The following NRG3 variants were observed in gnomAD, a reference collection of about 807,000 sequenced individuals.
NRG3 encodes the protein neuregulin 3.
A neutral mutation model predicts 66.9 loss-of-function variants in NRG3; 31 were observed. That is an observed-to-expected ratio of 0.46 (90% confidence interval 0.35 to 0.63). The LOEUF is 0.63. Among genes scored for constraint, NRG3 ranks in the 20% least tolerant of loss-of-function variants. NRG3 has a pLI of 0.00. For missense variants in NRG3, 910 were observed against 878.9 expected (o/e 1.04, Z -0.45); for synonymous variants, 393 against 359.4 (o/e 1.09, Z -1.06).
intron 1 of NRG3, among the ~76,000 whole-genome samples, chr10:82,208,378 C>A (rs909875595): frequency 6.6e-6 from 1 of 152,086 alleles, no homozygotes; most frequent in African/African-American, 2.4e-5. Context: ...GAATGACCAG[C>A]AAGATTATAA....
intron 2 of NRG3, among the ~76,000 whole-genome samples, chr10:82,381,769 G>T (rs1589923330): frequency 6.6e-6 from 1 of 152,188 alleles, no homozygotes; most frequent in Non-Finnish European, 1.5e-5. Flanking sequence ...TGGAAAACAA[G>T]CATAAGCTGG....
rs1299618177 is a variant in NRG3, at chr10:82,309,208, C to T, written c.824-49531C>T. 2.6e-5 allele frequency among the ~76,000 whole-genome samples: 4 copies of T among 152,252 alleles called. No homozygotes were observed. In the East Asian group the frequency reaches 7.7e-4, roughly 29 times the overall value. On this transcript the variant is annotated intron_variant, in intron 1 of 8. Transcript: ENST00000372141. ...AAGGAGAGCACAGATGTATTTAAGC[C>T]ACGATCGCCCATTCTCCCTCCTAAT...
intron 2 of NRG3, among the ~76,000 whole-genome samples, chr10:82,576,283 T>G (rs1237587939): frequency 6.6e-6 from 1 of 151,686 alleles, no homozygotes; most frequent in Non-Finnish European, 1.5e-5. Flanking sequence ...ACACCTTATC[T>G]TTTTGCTTAC....
chr10:82,605,287 G>A (rs2047896643), intron 2 of NRG3, among the ~76,000 whole-genome samples: 1 of 151,950 alleles, frequency 6.6e-6, no homozygotes. Flanking sequence ...CATTCATGAT[G>A]TTGAATAGTG....
intron 2 of NRG3, among the ~76,000 whole-genome samples, chr10:82,721,952 A>G (rs2057345541): frequency 6.6e-6 from 1 of 152,010 alleles, no homozygotes; most frequent in African/African-American, 2.4e-5. Flanking sequence ...TACAAGAAAA[A>G]AAAAAAAAAA....
intron 3 of NRG3, among the ~76,000 whole-genome samples, chr10:82,780,480 C>CTTTT (rs150086019): frequency 1.0e-3 from 107 of 106,048 alleles, no homozygotes; most frequent in African/African-American, 3.3e-3. Context: ...TTTTTCTTTT[C>CTTTT]TTTTTTTTTT....
chr10:82,207,312 T>C (rs111508550), intron 1 of NRG3, among the ~76,000 whole-genome samples: 6 of 152,188 alleles, frequency 3.9e-5, no homozygotes, highest in African/African-American at 1.2e-4. Context: ...AAAGGGAAAA[T>C]ATATATTTAT....
chr10:82,044,477 C>T (rs1041722123), intron 1 of NRG3, among the ~76,000 whole-genome samples: 4 of 151,972 alleles, frequency 2.6e-5, no homozygotes, highest in African/African-American at 9.7e-5. Context: ...ACCATGCAGA[C>T]ATGGAGAGAA....
chr10:81,905,757 C>T (rs891658435), intron 1 of NRG3, among the ~76,000 whole-genome samples: 1 of 152,136 alleles, frequency 6.6e-6, no homozygotes, highest in African/African-American at 2.4e-5. Context: ...GAAAATCAGC[C>T]CTCACACTAT....
At chr10:82,405,166 G>A (rs2087412500) in intron 2 of NRG3, among the ~76,000 whole-genome samples, 1 of 152,140 alleles carries the variant, frequency 6.6e-6, no homozygotes, top group Non-Finnish European at 1.5e-5. Flanking sequence ...GTCGAACGAG[G>A]CCTCTCTTGG....
chr10:82,927,412 T>C (rs1182025887), intron 4 of NRG3, among the ~76,000 whole-genome samples: 1 of 152,156 alleles, frequency 6.6e-6, no homozygotes, highest in Non-Finnish European at 1.5e-5. Context: ...GCAGGTTTGT[T>C]ACATAGGTAT....
At chr10:82,553,659 A>G (rs2044470781) in intron 2 of NRG3, among the ~76,000 whole-genome samples, 1 of 152,130 alleles carries the variant, frequency 6.6e-6, no homozygotes, top group South Asian at 2.1e-4. Context: ...TTTGTTATAT[A>G]TGCTGGGAGC....
At chr10:82,137,712 A>G (rs1007621182) in intron 1 of NRG3, among the ~76,000 whole-genome samples, 1 of 152,202 alleles carries the variant, frequency 6.6e-6, no homozygotes, top group Admixed American at 6.5e-5. Flanking sequence ...TTTAGTATTA[A>G]AAGATTGGAG....
At chr10:82,121,135 T>C (rs1168708299) in intron 1 of NRG3, among the ~76,000 whole-genome samples, 2 of 152,156 alleles carry the variant, frequency 1.3e-5, no homozygotes, top group East Asian at 1.9e-4. Flanking sequence ...CTTACCCATC[T>C]GCTCTGTGTA....
At chr10:82,832,835 T>TG (rs201863543) in intron 3 of NRG3, among the ~76,000 whole-genome samples, 4 of 151,734 alleles carry the variant, frequency 2.6e-5, no homozygotes, top group Non-Finnish European at 4.4e-5. Flanking sequence ...TGTGTGTGTG[T>TG]TTCTGAACAT....
intron 2 of NRG3, among the ~76,000 whole-genome samples, chr10:82,636,352 T>A (rs1308531675): frequency 2.0e-5 from 3 of 152,058 alleles, no homozygotes; most frequent in Non-Finnish European, 4.4e-5. Context: ...TCTTGGCATC[T>A]AAATACCATT....
intron 1 of NRG3, among the ~76,000 whole-genome samples, chr10:81,909,408 G>T (rs1844906827): frequency 6.6e-6 from 1 of 152,142 alleles, no homozygotes; most frequent in South Asian, 2.1e-4. Flanking sequence ...ATGAGTGGTG[G>T]TAATGGAGAT....
At chr10:82,049,759 A>C (rs1337155976) in intron 1 of NRG3, among the ~76,000 whole-genome samples, 1 of 152,008 alleles carries the variant, frequency 6.6e-6, no homozygotes, top group Non-Finnish European at 1.5e-5. Context: ...TCATATCAAT[A>C]GCTGCAATAG....
At chr10:82,859,891 A>G (rs547306614) in intron 3 of NRG3, among the ~76,000 whole-genome samples, 5 of 152,304 alleles carry the variant, frequency 3.3e-5, no homozygotes, top group African/African-American at 1.2e-4. Context: ...TGTGGGCTTC[A>G]AATTTCCAAG....
Sources: allele counts gnomAD v4.1 joint callset (sites outside exome capture counted in the v4.1 genomes callset), GRCh38; gene constraint gnomAD v4.1.1; transcripts MANE v1.5; gene names NCBI Gene and HGNC (gene_info 2026-07-23, HGNC 2026-07-21).